The following CNTNAP5 variants were observed in gnomAD, a reference collection of about 807,000 sequenced individuals.
The protein encoded by CNTNAP5 is contactin-associated protein-like 5.
A neutral mutation model predicts 150.2 loss-of-function variants in CNTNAP5; 72 were observed. That is an observed-to-expected ratio of 0.48 (90% CI 0.40 to 0.58). CNTNAP5 has a LOEUF of 0.58. Ranked by LOEUF, CNTNAP5 falls within the 20% of genes least tolerant of loss-of-function variation. CNTNAP5 has a pLI of 0.00. For missense variants in CNTNAP5, 1,636 were observed against 1,626.2 expected (o/e 1.01, Z -0.10); for synonymous variants, 672 against 619.8 (o/e 1.08, Z -1.25).
At chr2:124,892,702 C>G (rs2104749600) in intron 21 of CNTNAP5, among the ~76,000 whole-genome samples, 1 of 152,174 alleles carries the variant, frequency 6.6e-6, no homozygotes, top group African/African-American at 2.4e-5. Context: ...AACCTTTATG[C>G]AGACACAATA....
chr2:124,037,949 C>T (rs1681270368), intron 1 of CNTNAP5, among the ~76,000 whole-genome samples: 1 of 152,062 alleles, frequency 6.6e-6, no homozygotes. Context: ...ATTAGAAAAA[C>T]CTTATTCCTG....
At chr2:124,447,968 C>A (rs1692864212) in intron 6 of CNTNAP5, among the ~76,000 whole-genome samples, 1 of 152,000 alleles carries the variant, frequency 6.6e-6, no homozygotes, top group Non-Finnish European at 1.5e-5. Flanking sequence ...TTAACCTAGG[C>A]ATTATTAAAA....
At chr2:124,773,090 T>A in intron 17 of CNTNAP5, 73 bp downstream of exon 17, 3 of 1,185,944 alleles carry the variant, frequency 2.5e-6, no homozygotes, top group Non-Finnish European at 1.2e-6. Flanking sequence ...CAAGAAAAAA[T>A]TCTCTTTTAT....
chr2:124,421,321 C>T (rs1692098587), intron 4 of CNTNAP5, among the ~76,000 whole-genome samples: 1 of 152,126 alleles, frequency 6.6e-6, no homozygotes, highest in African/African-American at 2.4e-5. Flanking sequence ...TAGTGGTGCC[C>T]TCAGCAACCT....
intron 3 of CNTNAP5, among the ~76,000 whole-genome samples, chr2:124,352,192 A>G (rs1468445298): frequency 2.6e-5 from 4 of 152,222 alleles, no homozygotes; most frequent in South Asian, 4.2e-4. Flanking sequence ...AATAAACATT[A>G]TTTGGAAGAT....
At chr2:124,834,482 A>G (rs1207674374) in intron 19 of CNTNAP5, among the ~76,000 whole-genome samples, 2 of 152,072 alleles carry the variant, frequency 1.3e-5, no homozygotes, top group Non-Finnish European at 2.9e-5. Flanking sequence ...ACACAGAGAG[A>G]AGTAGTTCAT....
At chr2:124,337,603 T>G (rs904744353) in intron 3 of CNTNAP5, among the ~76,000 whole-genome samples, 10 of 152,216 alleles carry the variant, frequency 6.6e-5, no homozygotes, top group African/African-American at 2.4e-4. Flanking sequence ...GCTAGCCAGT[T>G]TTCCCATCAC....
intron 6 of CNTNAP5, among the ~76,000 whole-genome samples, chr2:124,448,632 T>C (rs1349088836): frequency 2.0e-5 from 3 of 152,208 alleles, no homozygotes; most frequent in Non-Finnish European, 4.4e-5. Context: ...CTACCTGGCT[T>C]GTCTGGCTTG....
At chr2:124,126,481 C>T (rs1207453347) in intron 1 of CNTNAP5, among the ~76,000 whole-genome samples, 2 of 152,084 alleles carry the variant, frequency 1.3e-5, no homozygotes, top group Non-Finnish European at 2.9e-5. Context: ...ACCAGAGGTA[C>T]AAAGAGGAGC....
intron 2 of CNTNAP5, among the ~76,000 whole-genome samples, chr2:124,234,991 T>C (rs915123266): frequency 6.6e-6 from 1 of 152,086 alleles, no homozygotes; most frequent in African/African-American, 2.4e-5. Flanking sequence ...GAGACAGGAC[T>C]TTTTGTGGAA....
intron 11 of CNTNAP5, among the ~76,000 whole-genome samples, chr2:124,598,820 A>C (rs1696900571): frequency 6.6e-6 from 1 of 152,208 alleles, no homozygotes. Flanking sequence ...GGACCCTCCG[A>C]GCCAGGTGTG....
chr2:124,527,327 T>C lies in CNTNAP5; in HGVS notation c.1520T>C (p.Ile507Thr). The change falls in exon 10 of 24, where the codon ATT (isoleucine) becomes ACT (threonine). Residue 507 changes from isoleucine to threonine, a missense_variant. Physicochemically the swap from Ile to Thr is moderately conservative, Grantham distance 89. Coordinates refer to ENST00000682447, the MANE Select transcript of CNTNAP5 (RefSeq NM_001367498.1). ...NLTDSQCLNP[I>T]KAFQGCMRLI... ...ACCGATTCCCAATGTTTAAATCCCA[T>C]TAAGGCTTTCCAAGGCTGCATGAGG... is the stretch of plus-strand genomic sequence containing the variant. The C allele has an allele frequency of 6.2e-7, 1 of 1,613,736 alleles. No individual in the cohort carries two copies. The highest frequency in any genetic ancestry group is 8.5e-7 in the Non-Finnish European group (1 of 1,179,744).
At chr2:124,082,620 A>G (rs528260343) in intron 1 of CNTNAP5, among the ~76,000 whole-genome samples, 1 of 152,304 alleles carries the variant, frequency 6.6e-6, no homozygotes, top group Admixed American at 6.5e-5. Flanking sequence ...AAAATTGTGT[A>G]CAAAGCTTTG....
At chr2:124,485,251 T>C (rs901022982) in intron 7 of CNTNAP5, among the ~76,000 whole-genome samples, 1 of 151,958 alleles carries the variant, frequency 6.6e-6, no homozygotes, top group African/African-American at 2.4e-5. Context: ...GGGTGGACTG[T>C]GAAGGAATAA....
At chr2:124,522,878 A>G (rs527438648) in intron 8 of CNTNAP5, among the ~76,000 whole-genome samples, 12 of 152,320 alleles carry the variant, frequency 7.9e-5, no homozygotes, top group East Asian at 1.9e-4. Context: ...ATCCACTTCA[A>G]TGAAACATTC....
At chr2:124,850,022 C>G (rs142548242) in intron 19 of CNTNAP5, among the ~76,000 whole-genome samples, 1 of 152,258 alleles carries the variant, frequency 6.6e-6, no homozygotes, top group Non-Finnish European at 1.5e-5. Flanking sequence ...CCCAATTAAA[C>G]AGACCTACAG....
At chr2:124,640,854 C>T (rs73955531) in intron 12 of CNTNAP5, among the ~76,000 whole-genome samples, 1,824 of 151,988 alleles carry the variant, frequency 0.012, 33 homozygotes, top group African/African-American at 0.041. Flanking sequence ...AGGCTGGGCC[C>T]GGTGGCTCAC....
At chr2:124,493,469 T>C (rs928383418) in intron 7 of CNTNAP5, among the ~76,000 whole-genome samples, 6 of 151,984 alleles carry the variant, frequency 3.9e-5, no homozygotes, top group African/African-American at 1.4e-4. Context: ...GCCTCCCTAG[T>C]AGCTGGGACT....
At chr2:124,619,932 T>C (rs1458427809) in intron 12 of CNTNAP5, among the ~76,000 whole-genome samples, 2 of 115,260 alleles carry the variant, frequency 1.7e-5, no homozygotes, top group African/African-American at 2.9e-5. Context: ...TATATATATA[T>C]ATATGTAGTG....
Sources: allele counts gnomAD v4.1 joint callset (sites outside exome capture counted in the v4.1 genomes callset), GRCh38; gene constraint gnomAD v4.1.1; transcripts MANE v1.5; gene names NCBI Gene and HGNC (gene_info 2026-07-23, HGNC 2026-07-21).